Variants in FRMD6 observed in about 807,000 individuals in gnomAD.
FRMD6 encodes the protein FERM domain-containing protein 6.
A neutral mutation model predicts 73.2 loss-of-function variants in FRMD6; 37 were observed. The observed-to-expected ratio is 0.51, with a 90% confidence interval of 0.39 to 0.66. FRMD6 has a LOEUF of 0.66. Ranked by LOEUF, FRMD6 falls within the 30% of genes least tolerant of loss-of-function variation. FRMD6 has a pLI of 0.00. For missense variants in FRMD6, 714 were observed against 780.5 expected (o/e 0.91, Z 1.02); for synonymous variants, 273 against 282.2 (o/e 0.97, Z 0.33).
chr14:51,515,403 C>T (rs887423109), intron 1 of FRMD6, among the ~76,000 whole-genome samples: 3 of 152,292 alleles, frequency 2.0e-5, no homozygotes, highest in Non-Finnish European at 2.9e-5. Flanking sequence ...CCTCCCTGAA[C>T]GTCAGTATAT....
chr14:51,525,070 A>AATAGATAGATGATAGATAGATAG (rs141984847), intron 1 of FRMD6, among the ~76,000 whole-genome samples: 34 of 101,980 alleles, frequency 3.3e-4, no homozygotes, highest in South Asian at 7.7e-4. Context: ...AGACAAATAG[A>AATAGATAGATGATAGATAGATAG]ATAGATAGAT....
upstream of FRMD6, among the ~76,000 whole-genome samples, chr14:51,649,173 G>C (rs1892215361): frequency 6.6e-6 from 1 of 152,026 alleles, no homozygotes; most frequent in Non-Finnish European, 1.5e-5. Flanking sequence ...AGTCCTTTCA[G>C]AATTTGATGA....
chr14:51,570,036 C>G (rs956596299), intron 1 of FRMD6, among the ~76,000 whole-genome samples: 1 of 151,950 alleles, frequency 6.6e-6, no homozygotes, highest in Non-Finnish European at 1.5e-5. Flanking sequence ...AGGATGGTCT[C>G]GATCTCCTGA....
the FRMD6 span, among the ~76,000 whole-genome samples, chr14:51,434,576 C>A: frequency 6.6e-6 from 1 of 151,762 alleles, no homozygotes; most frequent in East Asian, 1.9e-4. Context: ...TGAGAAAGGA[C>A]AATTCTTTCT....
chr14:51,549,682 G>GC (rs973267873), intron 1 of FRMD6, among the ~76,000 whole-genome samples: 8 of 117,620 alleles, frequency 6.8e-5, no homozygotes, highest in Non-Finnish European at 6.8e-5. Flanking sequence ...TGCAGGCTCC[G>GC]CCCCCCAGGT....
At chr14:51,660,239 T>C (rs1594678696) in intron 1 of FRMD6, among the ~76,000 whole-genome samples, 1 of 152,246 alleles carries the variant, frequency 6.6e-6, no homozygotes, top group Non-Finnish European at 1.5e-5. Context: ...ATGTGTTTCA[T>C]GTCTAGTTGG....
At chr14:51,679,555 C>CTTT (rs61250963) in intron 1 of FRMD6, among the ~76,000 whole-genome samples, 2 of 120,586 alleles carry the variant, frequency 1.7e-5, no homozygotes, top group African/African-American at 3.0e-5. Context: ...CATTTGTTTT[C>CTTT]TTTTTTTTTT....
At chr14:51,478,972 T>C in the FRMD6 span, among the ~76,000 whole-genome samples, 1 of 152,164 alleles carries the variant, frequency 6.6e-6, no homozygotes, top group Non-Finnish European at 1.5e-5. Flanking sequence ...GGTACAAATA[T>C]TTGGTTCCTT....
chr14:51,412,990 A>ATTTTTTTTTTTTTT, the FRMD6 span, among the ~76,000 whole-genome samples: 6 of 134,154 alleles, frequency 4.5e-5, no homozygotes, highest in African/African-American at 1.7e-4. Flanking sequence ...CCATAGTTAA[A>ATTTTTTTTTTTTTT]TTTTTTTTTT....
chr14:51,561,862 A>G (rs1887501383), intron 1 of FRMD6, among the ~76,000 whole-genome samples: 1 of 152,240 alleles, frequency 6.6e-6, no homozygotes, highest in Admixed American at 6.5e-5. Flanking sequence ...TCACAAATTC[A>G]TTTTGATTGT....
chr14:51,565,422 C>G (rs1887719594), intron 1 of FRMD6: 1 of 152,182 alleles, frequency 6.6e-6, no homozygotes, highest in African/African-American at 2.4e-5. Context: ...ATTCAAATAC[C>G]AAGAACTGAT....
intron 1 of FRMD6, among the ~76,000 whole-genome samples, chr14:51,660,949 G>C (rs890421659): frequency 2.0e-5 from 3 of 152,154 alleles, no homozygotes; most frequent in African/African-American, 7.2e-5. Flanking sequence ...CAGGGAGAAG[G>C]CCACAGTGGT....
At chr14:51,582,812 C>T (rs1191118827) in intron 2 of FRMD6, among the ~76,000 whole-genome samples, 1 of 152,116 alleles carries the variant, frequency 6.6e-6, no homozygotes, top group South Asian at 2.1e-4. Flanking sequence ...ATTGGAAATT[C>T]GTACTTCTTA....
At position 51,543,829 on chromosome 14, in the gene FRMD6, G is replaced by C. The variant is rs115023852; in HGVS notation, c.-209-26519G>C. 6.6e-3 allele frequency among the ~76,000 whole-genome samples: 997 copies of C among 152,126 alleles called. 8 individuals carry two copies. Among genetic ancestry groups the C allele is most frequent in the African/African-American group, 0.022 (926 of 41,524 alleles). ...ATTTTTTTGAAATGTAATTCTGGCA[G>C]CAATGTAAGCGTGGACCGAACTAGA... On this transcript the variant is annotated intron_variant, in intron 1 of 14. Transcript: ENST00000356218.
chr14:51,584,967 A>G (rs1004752097), intron 2 of FRMD6, among the ~76,000 whole-genome samples: 1 of 152,222 alleles, frequency 6.6e-6, no homozygotes, highest in Admixed American at 6.5e-5. Context: ...TCTAGCAAGA[A>G]TGTGAATATT....
At chr14:51,709,179 T>A (rs910105439) in intron 7 of FRMD6, among the ~76,000 whole-genome samples, 2 of 152,320 alleles carry the variant, frequency 1.3e-5, no homozygotes, top group Non-Finnish European at 1.5e-5. Context: ...CACTGTAAGT[T>A]GAGCCTAACT....
rs557260632 is a variant in FRMD6 at position 51,666,309 on chromosome 14, A to G, written c.-147+14313A>G. Among the ~76,000 whole-genome samples the G allele has an allele frequency of 6.6e-5, 10 of 152,292 alleles. No homozygotes were observed. In the South Asian group the frequency reaches 2.1e-3, roughly 32 times the overall value. ...TTACTATGTGCCGTTTTATTATTTT[A>G]GATATGCTTCTTCCTAATGACTAAT... On this transcript the variant is annotated intron_variant, in intron 1 of 13. Coordinates refer to ENST00000344768, the MANE Select transcript of FRMD6 (RefSeq NM_001267046.2).
intron 2 of FRMD6, among the ~76,000 whole-genome samples, chr14:51,691,757 G>C (rs1392271683): frequency 1.3e-5 from 2 of 151,464 alleles, no homozygotes; most frequent in East Asian, 3.9e-4. Context: ...ACCACACCTG[G>C]CTAATTTTTG....
intron 1 of FRMD6, among the ~76,000 whole-genome samples, chr14:51,559,268 A>C (rs1166365004): frequency 1.3e-5 from 2 of 152,228 alleles, no homozygotes; most frequent in African/African-American, 4.8e-5. Context: ...TATTTATTCC[A>C]TCCATCTCCC....
Sources: gnomAD v4.1 joint callset for allele counts (sites outside exome capture counted in the v4.1 genomes callset) on GRCh38, gnomAD v4.1.1 for gene constraint, MANE v1.5 for transcripts, NCBI Gene and HGNC (gene_info 2026-07-23, HGNC 2026-07-21) for gene names.